TCF4: variants seen among roughly 807,000 people sequenced by gnomAD.
The protein encoded by TCF4 is transcription factor 4.
In TCF4, 3 loss-of-function variants were observed where a neutral mutation model predicts 82.1. The ratio of observed to expected loss-of-function variants is 0.04; its 90% confidence interval spans 0.02 to 0.09. TCF4 has a LOEUF of 0.09. Ranked by LOEUF, TCF4 falls within the 10% of genes least tolerant of loss-of-function variation. The pLI is 1.00. For missense variants in TCF4, 518 were observed against 852.7 expected, an observed-to-expected ratio of 0.61 and a Z score of 4.89; for synonymous variants, 276 against 309.6, an observed-to-expected ratio of 0.89 and a Z score of 1.14.
At chr18:55,594,580 A>C (rs567257268) in intron 2 of TCF4, among the ~76,000 whole-genome samples, 79 of 152,314 alleles carry the variant, frequency 5.2e-4, no homozygotes, top group Non-Finnish European at 1.0e-3. Context: ...GTTTCATTTT[A>C]GCTTGATTTC....
intron 5 of TCF4, among the ~76,000 whole-genome samples, chr18:55,446,276 T>G (rs2095523409): frequency 6.6e-6 from 1 of 152,076 alleles, no homozygotes; most frequent in South Asian, 2.1e-4. Context: ...GAAACATTGA[T>G]TTGCTGAACT....
At chr18:55,565,070 GT>G (rs2097391420) in intron 3 of TCF4, among the ~76,000 whole-genome samples, 1 of 152,182 alleles carries the variant, frequency 6.6e-6, no homozygotes, top group African/African-American at 2.4e-5. Flanking sequence ...AGAGGAAACT[GT>G]GTTGTGCAGA....
At chr18:55,266,985 G>A (rs2059325587) in intron 11 of TCF4, 2 of 152,134 alleles carry the variant, frequency 1.3e-5, no homozygotes, top group South Asian at 4.1e-4. Flanking sequence ...ACATGACACT[G>A]AGACGAAGGG....
chr18:55,314,979 A>G (rs2073718396), intron 8 of TCF4, among the ~76,000 whole-genome samples: 1 of 152,058 alleles, frequency 6.6e-6, no homozygotes, highest in Non-Finnish European at 1.5e-5. Context: ...AACATCCCCT[A>G]TTCATTTTCA....
intron 3 of TCF4, among the ~76,000 whole-genome samples, chr18:55,473,036 C>G (rs1351174764): frequency 6.6e-6 from 1 of 152,048 alleles, no homozygotes; most frequent in Non-Finnish European, 1.5e-5. Context: ...TTTTTCAAAC[C>G]ATACATGTAA....
intron 5 of TCF4, among the ~76,000 whole-genome samples, chr18:55,419,574 G>T (rs978605279): frequency 6.6e-6 from 1 of 152,154 alleles, no homozygotes; most frequent in Non-Finnish European, 1.5e-5. Flanking sequence ...ATTCCAGAGT[G>T]ACCCCTGAAA....
intron 2 of TCF4, among the ~76,000 whole-genome samples, chr18:55,611,536 T>C (rs1156894799): frequency 6.6e-6 from 1 of 152,218 alleles, no homozygotes; most frequent in Non-Finnish European, 1.5e-5. Flanking sequence ...AGTTAATGAT[T>C]TTCCGAAGTT....
chr18:55,489,439 A>T lies in TCF4; in HGVS notation c.146-25302T>A, dbSNP rs528399450. The stretch of plus-strand genomic sequence containing the variant: ...TTGAAGAGAAGATAATAAAGTTCAG[A>T]GCCTCAAGTACCAGGCGAGTATCAG... On this transcript the variant is annotated intron_variant, in intron 3 of 19. Coordinates refer to ENST00000354452, the MANE Select transcript of TCF4 (RefSeq NM_001083962.2). Among the ~76,000 whole-genome samples the T allele has an allele frequency of 2.0e-5, 3 of 152,296 alleles. No homozygotes were observed. The East Asian group carries it at 5.8e-4, about 29-fold the overall frequency.
Position 55,226,934 on chromosome 18 carries a change from C to T in TCF4, c.*1101G>A, listed in dbSNP as rs919668458. ...TATGTTATGTTTCCGATGATATAAA[C>T]ATTGGAAGGCACAGTGGTAACATTG... On this transcript the variant is annotated 3_prime_UTR_variant, in exon 20 of 20. Coordinates refer to ENST00000354452, the MANE Select transcript of TCF4 (RefSeq NM_001083962.2). The T allele has an allele frequency of 6.6e-6, 1 of 152,584 alleles. No individual in the cohort carries two copies. The highest frequency in any genetic ancestry group is 2.4e-5 in the African/African-American group (1 of 41,418). The allele number at this position is 152,584 out of a possible 1,614,324, so 9.5% of individuals were successfully genotyped here. A position where few individuals can be genotyped will look rare whatever the true frequency, so the allele number is the denominator to read the frequency against.
intron 15 of TCF4, among the ~76,000 whole-genome samples, chr18:55,253,166 C>T (rs756183495): frequency 6.6e-6 from 1 of 152,166 alleles, no homozygotes; most frequent in Non-Finnish European, 1.5e-5. Context: ...GATTTCAATA[C>T]TACACCGTTC....
chr18:55,419,728 C>A (rs781138170), intron 5 of TCF4, among the ~76,000 whole-genome samples: 1 of 152,130 alleles, frequency 6.6e-6, no homozygotes, highest in Non-Finnish European at 1.5e-5. Flanking sequence ...TGCTTTGATA[C>A]GCAAATGTTC....
rs2096233671 is a variant in TCF4 at position 55,473,672 on chromosome 18, CT to C, written c.146-9536del. Among the ~76,000 whole-genome samples the C allele has an allele frequency of 2.0e-5, 3 of 152,190 alleles. No individual in the cohort carries two copies. The East Asian group carries it at 5.8e-4, about 29-fold the overall frequency. On this transcript the variant is annotated intron_variant, in intron 3 of 19. Transcript: ENST00000354452. The stretch of plus-strand genomic sequence containing the variant: ...TGTCTTAGTTTTAGGCCAATTTTCT[CT>C]GTACTTAGGCTCAAATGTGCAAACC...
chr18:55,336,203 T>C (rs1434409756), intron 8 of TCF4, among the ~76,000 whole-genome samples: 1 of 152,116 alleles, frequency 6.6e-6, no homozygotes. Flanking sequence ...TCATGATACA[T>C]TAAATGCATT....
At chr18:55,299,633 C>T (rs1267717398) in intron 8 of TCF4, among the ~76,000 whole-genome samples, 25 of 151,960 alleles carry the variant, frequency 1.6e-4, no homozygotes, top group Non-Finnish European at 2.9e-5. Flanking sequence ...TCATGGGCTG[C>T]CCATCTTAGA....
chr18:55,287,623 G>A (rs188976155), intron 8 of TCF4, among the ~76,000 whole-genome samples: 32 of 152,320 alleles, frequency 2.1e-4, no homozygotes, highest in African/African-American at 6.0e-4. Context: ...TGAGCAGGCA[G>A]GGATGGCCAG....
Position 55,431,654 on chromosome 18 carries a change from C to T in TCF4, c.305-28136G>A, listed in dbSNP as rs993443397. On this transcript the variant is annotated intron_variant, in intron 5 of 19. Coordinates refer to ENST00000354452, the MANE Select transcript of TCF4 (RefSeq NM_001083962.2). ...GCAGGGCTTTGTATTTCTGACTGAACGGTGAAGACTTGGAGTAAACAAGAT... is the reference window on the plus strand; with the variant it reads ...GCAGGGCTTTGTATTTCTGACTGAATGGTGAAGACTTGGAGTAAACAAGAT... 3.9e-5 allele frequency among the ~76,000 whole-genome samples: 6 copies of T among 152,098 alleles called. No homozygotes were observed. In the East Asian group the frequency reaches 5.8e-4, roughly 15 times the overall value.
At chr18:55,422,460 A>C in intron 5 of TCF4, 5 of 983,920 alleles carry the variant, frequency 5.1e-6, no homozygotes, top group Non-Finnish European at 6.0e-6. Context: ...AGAAATTCTC[A>C]TACTTGGGTC....
At chr18:55,562,853 C>A (rs1391469334) in intron 3 of TCF4, among the ~76,000 whole-genome samples, 6 of 151,940 alleles carry the variant, frequency 3.9e-5, no homozygotes, top group African/African-American at 1.2e-4. Flanking sequence ...ACATATTTAA[C>A]CAGAGATAGG....
intron 3 of TCF4, among the ~76,000 whole-genome samples, chr18:55,530,366 G>A (rs1157424721): frequency 1.3e-5 from 2 of 152,048 alleles, no homozygotes; most frequent in Non-Finnish European, 1.5e-5. Flanking sequence ...ATGAACAGAC[G>A]GGACACCAGG....
Sources: allele counts gnomAD v4.1 joint callset (sites outside exome capture counted in the v4.1 genomes callset), GRCh38; gene constraint gnomAD v4.1.1; transcripts MANE v1.5; gene names NCBI Gene and HGNC (gene_info 2026-07-23, HGNC 2026-07-21).